The following HDX variants were observed in gnomAD, a reference collection of about 807,000 sequenced individuals.
HDX encodes the protein highly divergent homeobox.
A neutral mutation model predicts 45.2 loss-of-function variants in HDX; 19 were observed. The observed-to-expected ratio is 0.42, with a 90% confidence interval of 0.29 to 0.62. HDX has a LOEUF of 0.62. Ranked by LOEUF, HDX falls within the 20% of genes least tolerant of loss-of-function variation. The probability of loss-of-function intolerance (pLI) is 0.20; values close to 1 mark genes in which losing one functional copy is unlikely to be tolerated. For missense variants in HDX, 532 were observed against 493.9 expected, an observed-to-expected ratio of 1.08 and a Z score of -0.73; for synonymous variants, 188 against 172.8, an observed-to-expected ratio of 1.09 and a Z score of -0.69.
At chrX:84,467,623 CA>C (rs576047136) in intron 4 of HDX, among the ~76,000 whole-genome samples, 17,497 of 64,363 alleles carry the variant, frequency 0.27, 1,508 homozygotes, top group Non-Finnish European at 0.33. Flanking sequence ...AAGACTCCGT[CA>C]AAAAAAAAAA....
At chrX:84,374,512 C>T (rs1322822369) in intron 5 of HDX, among the ~76,000 whole-genome samples, 1 of 106,967 alleles carries the variant, frequency 9.3e-6, no homozygotes, top group Non-Finnish European at 1.9e-5. Context: ...TCAAACTATA[C>T]TACAAGTCTA....
intron 6 of HDX, among the ~76,000 whole-genome samples, chrX:84,360,311 A>G (rs1212374732): frequency 8.9e-6 from 1 of 111,985 alleles, no homozygotes; most frequent in Admixed American, 9.5e-5. Flanking sequence ...AGAAATAGGA[A>G]CACTTTTACA....
chrX:84,418,681 A>G (rs1014364184), intron 5 of HDX, among the ~76,000 whole-genome samples: 2 of 111,628 alleles, frequency 1.8e-5, no homozygotes, highest in Admixed American at 1.9e-4. Context: ...CTTGAAAGGT[A>G]GTCTAGGTCA....
In HDX at chrX:84,406,469, T is replaced by TACACACACAC; in HGVS notation, c.1305+34053_1305+34062dup. Among the ~76,000 whole-genome samples the TACACACACAC allele has an allele frequency of 3.5e-5, 3 of 86,544 alleles. No homozygotes were observed. The Middle Eastern group carries it at 0.017, about 503-fold the overall frequency. The allele number at this position is 86,544 out of a possible 115,157, so 75.2% of individuals were successfully genotyped here. On this transcript the variant is annotated intron_variant, in intron 5 of 10. Transcript: ENST00000373177. ...GAGCTAAAACCTGGATAATCTCACA[T>TACACACACAC]ACACACACACACACACACACACACA... is the stretch of plus-strand genomic sequence containing the variant.
chrX:84,419,608 A>T lies in HDX; in HGVS notation c.1305+20924T>A, dbSNP rs779990490. On this transcript the variant is annotated intron_variant, in intron 5 of 10. Transcript: ENST00000373177. ...AAACCTGGCCATTCTAAGGGGAAAG[A>T]CACAGGCCTGACTGGCATTGCCACT... Among the ~76,000 whole-genome samples the T allele has an allele frequency of 2.7e-5, 3 of 112,280 alleles. No individual in the cohort carries two copies. In the South Asian group the frequency reaches 1.1e-3, roughly 42 times the overall value.
chrX:84,390,017 G>A (rs1424084403), intron 5 of HDX, among the ~76,000 whole-genome samples: 16 of 110,576 alleles, frequency 1.4e-4, no homozygotes, highest in Non-Finnish European at 1.1e-4. Flanking sequence ...CTTGCGCAGG[G>A]TTTCCAGCTT....
intron 5 of HDX, among the ~76,000 whole-genome samples, chrX:84,375,760 G>T (rs1354035171): frequency 2.8e-5 from 3 of 109,055 alleles, no homozygotes; most frequent in Non-Finnish European, 5.7e-5. Context: ...GGGGGGAGTG[G>T]GGAGGGATAG....
intron 4 of HDX, among the ~76,000 whole-genome samples, chrX:84,460,520 C>T (rs1449294617): frequency 9.0e-6 from 1 of 111,279 alleles, no homozygotes; most frequent in Non-Finnish European, 1.9e-5. Flanking sequence ...AAATGATTCT[C>T]AAAAACTGGG....
intron 3 of HDX, 70 bp from the exon 4 acceptor site, chrX:84,469,645 G>T: frequency 1.2e-6 from 1 of 858,869 alleles, no homozygotes; most frequent in Non-Finnish European, 1.6e-6. Context: ...AATTTTACGT[G>T]GTACATTATA....
intron 5 of HDX, among the ~76,000 whole-genome samples, chrX:84,375,424 T>A (rs1158129491): frequency 9.0e-6 from 1 of 111,492 alleles, no homozygotes; most frequent in Non-Finnish European, 1.9e-5. Context: ...TAAATCATGC[T>A]GCTATAAAGA....
At chrX:84,340,381 A>G (rs1456722455) in intron 7 of HDX, among the ~76,000 whole-genome samples, 1 of 111,085 alleles carries the variant, frequency 9.0e-6, no homozygotes, top group Non-Finnish European at 1.9e-5. Context: ...CCCTTCTTAG[A>G]TAATGCTACT....
chrX:84,456,892 G>A (rs772134256), intron 4 of HDX, among the ~76,000 whole-genome samples: 5 of 111,203 alleles, frequency 4.5e-5, no homozygotes, highest in South Asian at 7.5e-4. Context: ...ATATTATTTC[G>A]GGTAAAGAGA....
intron 5 of HDX, among the ~76,000 whole-genome samples, chrX:84,365,086 G>A (rs1352901038): frequency 1.0e-5 from 1 of 99,393 alleles, no homozygotes; most frequent in African/African-American, 4.2e-5. Flanking sequence ...ATATCTTCTT[G>A]ATATCCTGAT....
At chrX:84,332,538 T>C in intron 9 of HDX, among the ~76,000 whole-genome samples, 1 of 110,634 alleles carries the variant, frequency 9.0e-6, no homozygotes, top group Non-Finnish European at 1.9e-5. Context: ...ATCCTCTGAG[T>C]CCTGGGCCCA....
At chrX:84,455,433 A>G (rs1239993755) in intron 4 of HDX, among the ~76,000 whole-genome samples, 1 of 112,523 alleles carries the variant, frequency 8.9e-6, no homozygotes, top group Non-Finnish European at 1.9e-5. Context: ...TGACATACAG[A>G]AGAATGCATC....
intron 2 of HDX, among the ~76,000 whole-genome samples, chrX:84,476,504 C>G (rs5968334): frequency 0.034 from 3,071 of 91,321 alleles, 115 homozygotes; most frequent in African/African-American, 0.12. Context: ...GAAATCACAC[C>G]ACTGCACTCC....
chrX:84,391,102 A>C (rs960736861), intron 5 of HDX, among the ~76,000 whole-genome samples: 1 of 111,447 alleles, frequency 9.0e-6, no homozygotes, highest in Non-Finnish European at 1.9e-5. Flanking sequence ...AACCTTTTTT[A>C]ATCACCCCTC....
chrX:84,362,462 C>T (rs138320268), intron 5 of HDX, among the ~76,000 whole-genome samples: 3,396 of 109,826 alleles, frequency 0.031, 145 homozygotes, highest in African/African-American at 0.11. Context: ...CCAGTGATGC[C>T]TCAAATTATT....
intron 6 of HDX, among the ~76,000 whole-genome samples, chrX:84,354,107 G>A (rs970844416): frequency 1.8e-5 from 2 of 111,205 alleles, no homozygotes; most frequent in African/African-American, 6.5e-5. Context: ...ATCACTCTAA[G>A]CCTCAGATTA....
Sources: allele counts gnomAD v4.1 joint callset (sites outside exome capture counted in the v4.1 genomes callset), GRCh38; gene constraint gnomAD v4.1.1; transcripts MANE v1.5; gene names NCBI Gene and HGNC (gene_info 2026-07-23, HGNC 2026-07-21).